Variants in RGS22 observed in about 807,000 individuals in gnomAD.
The protein encoded by RGS22 is regulator of G-protein signaling 22.
Under a neutral mutation model 172.9 loss-of-function variants are expected in RGS22, and 148 were observed. The observed-to-expected ratio is 0.86, with a 90% CI of 0.75 to 0.98. RGS22 has a LOEUF of 0.98. Among genes scored for constraint, RGS22 ranks in the 50% least tolerant of loss-of-function variants. The pLI is 0.00. For synonymous variants in RGS22, 458 were observed against 480.2 expected (o/e 0.95, Z 0.60); for missense variants, 1,347 against 1,440.8 (o/e 0.93, Z 1.05).
At chr8:100,049,264 A>G (rs1315473048) in intron 10 of RGS22, among the ~76,000 whole-genome samples, 1 of 152,182 alleles carries the variant, frequency 6.6e-6, no homozygotes, top group Admixed American at 6.5e-5. Context: ...TTACAGAACT[A>G]TACACTAAAA....
intron 14 of RGS22, among the ~76,000 whole-genome samples, chr8:100,028,943 T>C (rs1271928621): frequency 6.6e-6 from 1 of 152,192 alleles, no homozygotes; most frequent in African/African-American, 2.4e-5. Flanking sequence ...GTGGTTACAT[T>C]ACATAAGATA....
At chr8:100,010,340 G>C (rs1816239245) in intron 14 of RGS22, among the ~76,000 whole-genome samples, 1 of 152,104 alleles carries the variant, frequency 6.6e-6, no homozygotes, top group African/African-American at 2.4e-5. Context: ...ACACAAATTA[G>C]CTGGGCACGG....
rs1394255122 is a variant in RGS22, at chr8:100,051,808, AATGTTT to A, written c.1689+988_1689+993del. Among the ~76,000 whole-genome samples the A allele has an allele frequency of 4.6e-3, 130 of 28,380 alleles. 2 individuals carry two copies. Among genetic ancestry groups the A allele is most frequent in the East Asian group, 0.032 (32 of 988 alleles). 18.6% of individuals were successfully genotyped at this position (28,380 alleles called of 152,430 possible). A position where few individuals can be genotyped will look rare whatever the true frequency, so the allele number is the denominator to read the frequency against. Reference sequence around the variant, plus strand: ...ATATATAAATATATATTTATATATAAATGTTTATATATATTTATATATAAATGTTTA... The same window carrying A: ...ATATATAAATATATATTTATATATAAATATATATTTATATATAAATGTTTA... On this transcript the variant is annotated intron_variant, in intron 10 of 27. Coordinates refer to ENST00000360863, the MANE Select transcript of RGS22 (RefSeq NM_015668.5).
intron 14 of RGS22, among the ~76,000 whole-genome samples, chr8:100,009,520 G>A (rs1360446829): frequency 6.6e-6 from 1 of 150,682 alleles, no homozygotes; most frequent in Admixed American, 6.6e-5. Flanking sequence ...TAATTGTCAT[G>A]TCTCTCAATA....
intron 9 of RGS22, among the ~76,000 whole-genome samples, chr8:100,062,134 C>A (rs1216646119): frequency 6.6e-6 from 1 of 151,966 alleles, no homozygotes; most frequent in Admixed American, 6.6e-5. Context: ...ACAACACACA[C>A]TGGGGCCTAT....
At chr8:99,990,687 G>C (rs1380921063) in intron 20 of RGS22, among the ~76,000 whole-genome samples, 2 of 152,166 alleles carry the variant, frequency 1.3e-5, no homozygotes, top group Non-Finnish European at 2.9e-5. Flanking sequence ...CATCTCTGTG[G>C]GCAGGGCATA....
intron 3 of RGS22, among the ~76,000 whole-genome samples, chr8:100,092,314 T>A (rs191976208): frequency 6.6e-6 from 1 of 152,258 alleles, no homozygotes; most frequent in African/African-American, 2.4e-5. Context: ...TACAACAAGA[T>A]AGGTCTTTTT....
intron 22 of RGS22, among the ~76,000 whole-genome samples, chr8:99,981,481 A>G (rs1319098055): frequency 6.6e-6 from 1 of 152,188 alleles, no homozygotes; most frequent in African/African-American, 2.4e-5. Flanking sequence ...TAACAAGTTA[A>G]AAACAAAAAT....
chr8:100,011,978 A>T (rs929531501), intron 14 of RGS22, among the ~76,000 whole-genome samples: 1 of 152,136 alleles, frequency 6.6e-6, no homozygotes, highest in African/African-American at 2.4e-5. Context: ...ATAGTAAAAG[A>T]ACCTGAGAAA....
chr8:100,022,283 T>C (rs1448519452), intron 14 of RGS22, among the ~76,000 whole-genome samples: 1 of 152,192 alleles, frequency 6.6e-6, no homozygotes, highest in Non-Finnish European at 1.5e-5. Context: ...TTTTTGCCAA[T>C]TGCTCAGACC....
intron 4 of RGS22, among the ~76,000 whole-genome samples, chr8:100,075,039 G>A (rs942691476): frequency 1.3e-5 from 2 of 152,112 alleles, no homozygotes; most frequent in Non-Finnish European, 2.9e-5. Flanking sequence ...CAAAGTGCTG[G>A]GATTACAGGT....
chr8:100,053,188 A>C (rs938273861), intron 9 of RGS22, among the ~76,000 whole-genome samples: 1 of 152,206 alleles, frequency 6.6e-6, no homozygotes. Flanking sequence ...TCATACAAAA[A>C]GGCAATATAC....
At chr8:100,049,482 T>C (rs934898221) in intron 10 of RGS22, among the ~76,000 whole-genome samples, 1 of 152,198 alleles carries the variant, frequency 6.6e-6, no homozygotes, top group Non-Finnish European at 1.5e-5. Flanking sequence ...GTCAGGTTTA[T>C]ACCACTTTTT....
At chr8:100,098,258 C>T (rs1351424263) in intron 2 of RGS22, among the ~76,000 whole-genome samples, 1 of 152,068 alleles carries the variant, frequency 6.6e-6, no homozygotes, top group East Asian at 1.9e-4. Flanking sequence ...ATGTTTAGAA[C>T]ATTTTTACTG....
At chr8:99,995,766 T>C (rs976273607) in intron 20 of RGS22, among the ~76,000 whole-genome samples, 10 of 152,228 alleles carry the variant, frequency 6.6e-5, no homozygotes, top group African/African-American at 2.4e-4. Context: ...ACTGGGTATA[T>C]ACCGAAAGTA....
chr8:100,046,998 T>G (rs2131638275), intron 11 of RGS22, among the ~76,000 whole-genome samples: 1 of 152,120 alleles, frequency 6.6e-6, no homozygotes, highest in Admixed American at 6.6e-5. Flanking sequence ...AAAACTTTTG[T>G]AGAGACATGA....
chr8:100,034,392 G>T (rs935144244), intron 14 of RGS22, among the ~76,000 whole-genome samples: 8 of 152,078 alleles, frequency 5.3e-5, no homozygotes, highest in African/African-American at 1.9e-4. Context: ...AAAATGCCTA[G>T]GAATCCAACT....
At chr8:99,961,783 G>GA (rs898621665) in intron 27 of RGS22, among the ~76,000 whole-genome samples, 252 of 151,934 alleles carry the variant, frequency 1.7e-3, no homozygotes, top group African/African-American at 5.7e-3. Context: ...AACTAGAAGA[G>GA]AAAAAAATGA....
rs1170779052 is a variant in RGS22 at position 100,071,512 on chromosome 8, T to C, written c.451A>G (p.Arg151Gly). ...AAATTCATGCCGGACTTGCTCCATC[T>C]TACTTGTGAGACCAATTTGGCTAAC... is the stretch of plus-strand genomic sequence containing the variant. Reference protein sequence around the residue: ...YRLAKLVSQVRWSKSGMNFTV... With the variant: ...YRLAKLVSQVGWSKSGMNFTV... Residue 151 changes from arginine (R) to glycine (G), a missense_variant, in exon 6 of 28, where the codon AGA becomes GGA. Transcript: ENST00000360863. 6.2e-7 allele frequency: 1 copy of C among 1,607,512 alleles called. No individual in the cohort carries two copies. Among genetic ancestry groups the C allele is most frequent in the African/African-American group, 1.3e-5 (1 of 74,640 alleles).
Sources: allele counts gnomAD v4.1 joint callset (sites outside exome capture counted in the v4.1 genomes callset), GRCh38; gene constraint gnomAD v4.1.1; transcripts MANE v1.5; gene names NCBI Gene and HGNC (gene_info 2026-07-23, HGNC 2026-07-21).